Variants in ATP8B1 observed in about 807,000 individuals in gnomAD.
The protein encoded by ATP8B1 is ATPase phospholipid transporting 8B1.
ATP8B1 carries 80 observed loss-of-function variants against 149.9 expected under a neutral mutation model. The observed-to-expected ratio is 0.53, with a 90% CI of 0.45 to 0.64. The LOEUF (loss-of-function observed/expected upper bound fraction) is 0.64, where lower values mean the gene tolerates loss of function less well. Ranked by LOEUF, ATP8B1 falls within the 30% of genes least tolerant of loss-of-function variation. The pLI is 0.00. For missense variants in ATP8B1, 1,247 were observed against 1,552.6 expected (o/e 0.80, Z 3.31); for synonymous variants, 536 against 562.8 (o/e 0.95, Z 0.67).
chr18:57,719,948 G>A (rs1471611449), intron 2 of ATP8B1, among the ~76,000 whole-genome samples: 11 of 152,106 alleles, frequency 7.2e-5, no homozygotes, highest in Non-Finnish European at 7.3e-5. Flanking sequence ...CCTGACCCCC[G>A]AGCAGCCTAA....
intron 2 of ATP8B1, among the ~76,000 whole-genome samples, chr18:57,710,952 C>G (rs1408608107): frequency 6.6e-6 from 1 of 152,206 alleles, no homozygotes; most frequent in Non-Finnish European, 1.5e-5. Flanking sequence ...GCTCTTAAAC[C>G]TGTGAGAAGA....
chr18:57,762,647 C>T (rs1175231401), intron 1 of ATP8B1, among the ~76,000 whole-genome samples: 2 of 152,172 alleles, frequency 1.3e-5, no homozygotes, highest in East Asian at 1.9e-4. Context: ...GCTTATATCC[C>T]GTGATCCTCA....
chr18:57,716,567 C>CA (rs1280117662), intron 2 of ATP8B1, among the ~76,000 whole-genome samples: 1 of 151,822 alleles, frequency 6.6e-6, no homozygotes, highest in East Asian at 1.9e-4. Context: ...GATTTCAAGA[C>CA]AAAACTATAA....
intron 1 of ATP8B1, among the ~76,000 whole-genome samples, chr18:57,777,413 G>T (rs1422882363): frequency 6.6e-6 from 1 of 152,116 alleles, no homozygotes; most frequent in African/African-American, 2.4e-5. Context: ...ACTGTCATTT[G>T]TTCCAGGGGA....
At position 57,661,246 on chromosome 18, in the gene ATP8B1, G is replaced by C; in HGVS notation, c.2635C>G (p.Leu879Val). 1 of 1,613,940 alleles carries C rather than the reference G, an allele frequency of 6.2e-7. No individual in the cohort carries two copies. Among genetic ancestry groups the C allele is most frequent in the Non-Finnish European group, 8.5e-7 (1 of 1,179,996 alleles). ...TPKQKAMVVD[L>V]VKRYKKAITL... is the part of the protein sequence containing the mutation. The stretch of plus-strand genomic sequence containing the variant: ...ATGGCTTTCTTGTACCTCTTCACCA[G>C]GTCCACCACCATGGCCTTCTGCTTG... The change falls in exon 22 of 28, where the codon CTG becomes GTG. Residue 879 changes from leucine (L) to valine (V), a missense_variant. Coordinates refer to ENST00000648908, the MANE Select transcript of ATP8B1 (RefSeq NM_001374385.1).
intron 4 of ATP8B1, among the ~76,000 whole-genome samples, chr18:57,701,997 CAA>C (rs1276823788): frequency 6.6e-6 from 1 of 152,046 alleles, no homozygotes; most frequent in Non-Finnish European, 1.5e-5. Context: ...CGTGCCTGGC[CAA>C]AGTCATCTTA....
In ATP8B1 at chr18:57,671,607, C is replaced by T. The variant is rs201256030; in HGVS notation, c.1820-27G>A. On this transcript the variant is annotated intron_variant, in intron 16 of 27. Transcript: ENST00000648908. ...TGGTAGTAAAAGAAGGAAATAAACA[C>T]AACAAAGTTTGATTTTTTATATATA... The T allele has an allele frequency of 1.8e-3, 2,658 of 1,511,030 alleles. 3 individuals are homozygous for T. The highest frequency in any genetic ancestry group is 2.3e-3 in the Non-Finnish European group (2,481 of 1,086,602). 93.6% of individuals were successfully genotyped at this position (1,511,030 alleles called of 1,614,324 possible). A position where few individuals can be genotyped will look rare whatever the true frequency, so the allele number is the denominator to read the frequency against.
chr18:57,772,849 C>A (rs777606827), intron 1 of ATP8B1, among the ~76,000 whole-genome samples: 5 of 152,146 alleles, frequency 3.3e-5, no homozygotes, highest in African/African-American at 4.8e-5. Context: ...GAAGTTGAAG[C>A]ACCTGCAGAG....
rs372995250 is a variant in ATP8B1, at chr18:57,688,455, T to C, written c.1273A>G (p.Met425Val). 11 of 1,614,030 alleles carry C rather than the reference T, an allele frequency of 6.8e-6. No individual in the cohort carries two copies. The highest frequency in any genetic ancestry group is 9.3e-6 in the Non-Finnish European group (11 of 1,180,042). Residue 425 changes from methionine (M) to valine (V), a missense_variant, in exon 13 of 28, where the codon ATG becomes GTG. Physicochemically the swap from Met to Val is conservative, Grantham distance 21. Around this residue, in one of 3 missense-constraint regions of ATP8B1, gnomAD observed 853 missense variants for 1,035.7 expected, o/e 0.82. Transcript: ENST00000648908. ...GGTGTGTCCTTCTCAGCATAGTACA[T>C]TTGCAGGTCCCAGTTGATGAAGTGA... ...QSHFINWDLQ[M>V]YYAEKDTPAK...
chr18:57,732,345 G>GTA (rs1568044538), intron 1 of ATP8B1, among the ~76,000 whole-genome samples: 19,061 of 28,852 alleles, frequency 0.66, 9,329 homozygotes, highest in East Asian at 0.79. Flanking sequence ...GTATATATAT[G>GTA]TATATATGTG....
chr18:57,679,485 C>T (rs1001108646), intron 15 of ATP8B1, among the ~76,000 whole-genome samples: 1 of 151,422 alleles, frequency 6.6e-6, no homozygotes, highest in Non-Finnish European at 1.5e-5. Context: ...CCAGAAAGAC[C>T]TTCTTTTTCT....
chr18:57,696,702 T>G (rs916829013), intron 8 of ATP8B1, among the ~76,000 whole-genome samples: 12 of 152,180 alleles, frequency 7.9e-5, no homozygotes, highest in Non-Finnish European at 1.8e-4. Context: ...GGGAGCAATG[T>G]CCCGACTCTA....
intron 1 of ATP8B1, among the ~76,000 whole-genome samples, chr18:57,771,369 T>A (rs1452892994): frequency 6.6e-6 from 1 of 152,222 alleles, no homozygotes; most frequent in East Asian, 1.9e-4. Flanking sequence ...AGTCTACCTC[T>A]CTCAGCACTG....
At chr18:57,668,245 C>A (rs1380976150) in intron 19 of ATP8B1, 184 bp downstream of exon 19, 16 of 1,413,362 alleles carry the variant, frequency 1.1e-5, no homozygotes, top group Non-Finnish European at 1.4e-5. Flanking sequence ...TGAGGGGGAT[C>A]AGGAAAGGAT....
At chr18:57,656,219 T>C (rs62094216) in intron 22 of ATP8B1, among the ~76,000 whole-genome samples, 60 of 152,156 alleles carry the variant, frequency 3.9e-4, no homozygotes, top group Admixed American at 8.5e-4. Flanking sequence ...CTTTTCTTGC[T>C]TAAATACCAA....
rs184440623 is a variant in ATP8B1 at position 57,697,533 on chromosome 18, G to A, written c.698+85C>T. 190 of 1,421,562 alleles carry A rather than the reference G, an allele frequency of 1.3e-4. No individual in the cohort carries two copies. The Middle Eastern group carries it at 1.5e-3, about 11-fold the overall frequency. 88.1% of individuals were successfully genotyped at this position (1,421,562 alleles called of 1,614,324 possible). A position where few individuals can be genotyped will look rare whatever the true frequency, so the allele number is the denominator to read the frequency against. ...CAGAGGCAAGGCCAGATATCAAGCC[G>A]TCTGGTCCACAATGCCCCGATTTCA... On this transcript the variant is annotated intron_variant, in intron 8 of 27. Coordinates refer to ENST00000648908, the MANE Select transcript of ATP8B1 (RefSeq NM_001374385.1).
chr18:57,761,112 T>TAAAAA (rs1399687791), intron 1 of ATP8B1, among the ~76,000 whole-genome samples: 4 of 133,558 alleles, frequency 3.0e-5, no homozygotes, highest in Non-Finnish European at 3.3e-5. Flanking sequence ...TAAAATAAAA[T>TAAAAA]ATAAAATAAA....
intron 17 of ATP8B1, among the ~76,000 whole-genome samples, chr18:57,669,906 G>A (rs9961554): frequency 0.33 from 49,705 of 151,900 alleles, 8,736 homozygotes; most frequent in Non-Finnish European, 0.4. Context: ...GCCTCCCAGC[G>A]TGCTGGGATT....
rs2080585308 is a variant in ATP8B1 at position 57,802,304 on chromosome 18, G to T, written c.-26+694C>A. On this transcript the variant is annotated intron_variant, in intron 1 of 27. Transcript: ENST00000648908. This position sits in a 1 kb window ranked among gnomAD's most constrained non-coding sequence, Gnocchi z 4.9. ...CAGGGCACCAAACTGCTGAGGGAAG[G>T]AGATGCCTGCAGCCATCTCAGCGGG... 6.6e-6 allele frequency among the ~76,000 whole-genome samples: 1 copy of T among 152,158 alleles called. No homozygotes were observed. Among genetic ancestry groups the T allele is most frequent in the Non-Finnish European group, 1.5e-5 (1 of 68,028 alleles).
Sources: allele counts gnomAD v4.1 joint callset (sites outside exome capture counted in the v4.1 genomes callset), GRCh38; gene constraint gnomAD v4.1.1; regional missense constraint gnomAD v4.1.1; non-coding constraint Gnocchi (gnomAD v3.1); transcripts MANE v1.5; gene names NCBI Gene and HGNC (gene_info 2026-07-23, HGNC 2026-07-21).